Variants in GALNT13 observed in about 807,000 individuals in gnomAD.
GALNT13 encodes UDP-GalNAc:polypeptide N-acetylgalactosaminyltransferase 13.
Under a neutral mutation model 64.2 loss-of-function variants are expected in GALNT13, and 28 were observed. The ratio of observed to expected loss-of-function variants is 0.44; its 90% CI spans 0.32 to 0.60. The LOEUF is 0.60. Among genes scored for constraint, GALNT13 ranks in the 20% least tolerant of loss-of-function variants. GALNT13 has a pLI of 0.05. For missense variants in GALNT13, 577 were observed against 669.8 expected (o/e 0.86, Z 1.53); for synonymous variants, 214 against 224.6 (o/e 0.95, Z 0.42).
chr2:154,033,800 A>C (rs984873337), intron 3 of GALNT13, among the ~76,000 whole-genome samples: 1 of 151,992 alleles, frequency 6.6e-6, no homozygotes, highest in Non-Finnish European at 1.5e-5. Context: ...TTAGCCAGGC[A>C]TGGTGGCAGG....
chr2:153,220,773 A>G, the GALNT13 span, among the ~76,000 whole-genome samples: 1 of 152,260 alleles, frequency 6.6e-6, no homozygotes, highest in Non-Finnish European at 1.5e-5. Context: ...AAACTGTTCA[A>G]TTAAACAGAG....
the GALNT13 span, among the ~76,000 whole-genome samples, chr2:153,442,374 C>T: frequency 6.6e-5 from 10 of 152,234 alleles, no homozygotes; most frequent in Admixed American, 3.3e-4. Context: ...ATTTTTGCAT[C>T]GATGTACATC....
At chr2:153,729,108 A>T in the GALNT13 span, among the ~76,000 whole-genome samples, 1 of 152,162 alleles carries the variant, frequency 6.6e-6, no homozygotes, top group South Asian at 2.1e-4. Context: ...CCGCAATAGA[A>T]AAAGAAGGAC....
intron 1 of GALNT13, among the ~76,000 whole-genome samples, chr2:153,879,357 C>CGT (rs4034904): frequency 0.086 from 12,740 of 148,440 alleles, 1,273 homozygotes; most frequent in East Asian, 0.57. Context: ...AAACTACCTA[C>CGT]GTGTGTGTGT....
At chr2:153,478,329 A>G in the GALNT13 span, 2 of 1,613,982 alleles carry the variant, frequency 1.2e-6, no homozygotes, top group Non-Finnish European at 1.7e-6. Context: ...TGATGAGCAG[A>G]TTGCAGCCGA....
At chr2:154,354,405 C>CTTTTTTTTTTTTTTTTTTTTTTT (rs546187850) in intron 9 of GALNT13, among the ~76,000 whole-genome samples, 1 of 60,360 alleles carries the variant, frequency 1.7e-5, no homozygotes, top group African/African-American at 6.9e-5. Context: ...TGATGTAGTC[C>CTTTTTTTTTTTTTTTTTTTTTTT]TTTTTTTTTT....
chr2:153,834,229 G>T, the GALNT13 span, among the ~76,000 whole-genome samples: 1 of 152,030 alleles, frequency 6.6e-6, no homozygotes, highest in Non-Finnish European at 1.5e-5. Context: ...ACCACAGGCT[G>T]GACACCATGC....
intron 3 of GALNT13, among the ~76,000 whole-genome samples, chr2:154,036,995 A>G (rs1266525584): frequency 6.6e-6 from 1 of 152,194 alleles, no homozygotes; most frequent in Non-Finnish European, 1.5e-5. Context: ...CCTAATAAAC[A>G]ATGATTACTG....
chr2:153,166,620 C>CGTGTGTGTGTGT, the GALNT13 span, among the ~76,000 whole-genome samples: 11 of 72,596 alleles, frequency 1.5e-4, no homozygotes, highest in Admixed American at 2.4e-4. Flanking sequence ...TTGCCTACTG[C>CGTGTGTGTGTGT]ATGTGTGTGT....
chr2:153,349,405 T>C, the GALNT13 span, among the ~76,000 whole-genome samples: 1 of 152,196 alleles, frequency 6.6e-6, no homozygotes, highest in Non-Finnish European at 1.5e-5. Context: ...ATTAAGACAA[T>C]ATGTCTACAG....
chr2:153,370,461 CAT>C, the GALNT13 span, among the ~76,000 whole-genome samples: 1 of 152,106 alleles, frequency 6.6e-6, no homozygotes, highest in East Asian at 1.9e-4. Context: ...CAAAAAATAA[CAT>C]ATCACGAGTA....
intron 4 of GALNT13, among the ~76,000 whole-genome samples, chr2:154,179,674 C>T (rs1055618984): frequency 2.6e-5 from 4 of 151,922 alleles, no homozygotes; most frequent in East Asian, 1.9e-4. Context: ...GCCACAAAGA[C>T]GTACTAAATG....
chr2:153,601,241 C>T, the GALNT13 span, among the ~76,000 whole-genome samples: 63 of 151,292 alleles, frequency 4.2e-4, no homozygotes, highest in African/African-American at 1.5e-3. Context: ...CTATTTTAAG[C>T]TCCTTAATCA....
At chr2:153,528,434 ATAT>A in the GALNT13 span, among the ~76,000 whole-genome samples, 1 of 152,002 alleles carries the variant, frequency 6.6e-6, no homozygotes. Context: ...TATAAAGCAA[ATAT>A]TATTAGAGCT....
At chr2:153,668,250 A>C in the GALNT13 span, among the ~76,000 whole-genome samples, 2 of 152,254 alleles carry the variant, frequency 1.3e-5, no homozygotes, top group East Asian at 3.9e-4. Context: ...ACACTTGACC[A>C]AGGGGACCTA....
At chr2:153,871,820 G>T (rs1018428628), upstream of GALNT13, 3 of 150,368 alleles carry the variant, frequency 2.0e-5, no homozygotes, top group African/African-American at 4.9e-5. Flanking sequence ...CCCAGTGAGA[G>T]GCCTCCAGGC....
the GALNT13 span, among the ~76,000 whole-genome samples, chr2:153,664,765 G>A: frequency 6.6e-6 from 1 of 152,146 alleles, no homozygotes; most frequent in East Asian, 1.9e-4. Context: ...GCTTCAGCCA[G>A]TCCCTCTGTT....
chr2:153,918,592 T>C (rs181905705), intron 2 of GALNT13, among the ~76,000 whole-genome samples: 1 of 152,244 alleles, frequency 6.6e-6, no homozygotes, highest in Admixed American at 6.5e-5. Flanking sequence ...CTAAATCCTT[T>C]TATTCTCCCC....
chr2:153,170,406 G>T, the GALNT13 span, among the ~76,000 whole-genome samples: 1 of 152,080 alleles, frequency 6.6e-6, no homozygotes, highest in Non-Finnish European at 1.5e-5. Flanking sequence ...TTCAACCTCA[G>T]ACTTGAGGGA....
Sources: allele counts gnomAD v4.1 joint callset (sites outside exome capture counted in the v4.1 genomes callset), GRCh38; gene constraint gnomAD v4.1.1; transcripts MANE v1.5; gene names NCBI Gene and HGNC (gene_info 2026-07-23, HGNC 2026-07-21).